Variants in TENM1 observed in about 807,000 individuals in gnomAD.
The protein encoded by TENM1 is teneurin transmembrane protein 1.
A neutral mutation model predicts 174.8 loss-of-function variants in TENM1; 35 were observed. That is an observed-to-expected ratio of 0.20 (90% CI 0.15 to 0.27). The LOEUF (loss-of-function observed/expected upper bound fraction) is 0.27. Among genes scored for constraint, TENM1 ranks in the 10% least tolerant of loss-of-function variants. TENM1 has a pLI of 1.00. For synonymous variants in TENM1, 781 were observed against 798.7 expected (o/e 0.98, Z 0.37); for missense variants, 1,633 against 2,130.1 (o/e 0.77, Z 4.59).
chrX:124,963,505 A>C, intron 1 of TENM1, 32 bp downstream of exon 4: 1 of 1,114,961 alleles, frequency 9.0e-7, no homozygotes, highest in Non-Finnish European at 1.2e-6. Flanking sequence ...ATGAGAAATA[A>C]TATTTGTTAT....
intron 18 of TENM1, among the ~76,000 whole-genome samples, chrX:124,506,552 A>G (rs144967593): frequency 1.2e-3 from 138 of 112,177 alleles, no homozygotes; most frequent in African/African-American, 4.0e-3. Context: ...TTCTCCCAAG[A>G]AAGCTCTATG....
intron 16 of TENM1, among the ~76,000 whole-genome samples, chrX:124,523,873 ATTT>A (rs745816520): frequency 1.1e-5 from 1 of 90,488 alleles, no homozygotes. Context: ...TTGTAAACCA[ATTT>A]TTTTTTTTTT....
chrX:125,016,968 A>G, the TENM1 span, among the ~76,000 whole-genome samples: 1 of 112,057 alleles, frequency 8.9e-6, no homozygotes, highest in East Asian at 2.8e-4. Context: ...TGGGGAAAGG[A>G]TTCCCTATTT....
At chrX:124,730,021 C>T (rs774200751) in intron 4 of TENM1, among the ~76,000 whole-genome samples, 1 of 110,673 alleles carries the variant, frequency 9.0e-6, no homozygotes, top group East Asian at 2.9e-4. Flanking sequence ...AGGGACCTGC[C>T]ACCACACCTG....
intron 27 of TENM1, among the ~76,000 whole-genome samples, chrX:124,402,651 C>G (rs1035604001): frequency 1.1e-4 from 12 of 111,568 alleles, no homozygotes; most frequent in Non-Finnish European, 2.3e-4. Context: ...TCCAAGGTCA[C>G]ATAATATAGG....
intron 1 of TENM1, among the ~76,000 whole-genome samples, chrX:124,947,046 T>A (rs1389548818): frequency 9.0e-6 from 1 of 111,698 alleles, no homozygotes; most frequent in Non-Finnish European, 1.9e-5. Context: ...CTCAGTTAAT[T>A]CAGCTAGTTA....
the TENM1 span, among the ~76,000 whole-genome samples, chrX:125,091,348 C>T: frequency 1.8e-5 from 2 of 111,388 alleles, no homozygotes; most frequent in African/African-American, 6.5e-5. Flanking sequence ...AGGAAGAAGA[C>T]ACAGCTGGAG....
chrX:124,762,815 G>C (rs779767964), intron 3 of TENM1, among the ~76,000 whole-genome samples: 4 of 111,505 alleles, frequency 3.6e-5, no homozygotes, highest in Non-Finnish European at 7.5e-5. Context: ...TGGTCAACCA[G>C]TGGTGACCAT....
chrX:124,783,305 C>G (rs1569442386), intron 3 of TENM1, among the ~76,000 whole-genome samples: 1 of 111,696 alleles, frequency 9.0e-6, no homozygotes, highest in African/African-American at 3.2e-5. Flanking sequence ...AGGAAGAATA[C>G]TCATCTCTCA....
At chrX:124,497,540 C>A in intron 19 of TENM1, among the ~76,000 whole-genome samples, 1 of 111,063 alleles carries the variant, frequency 9.0e-6, no homozygotes, top group Non-Finnish European at 1.9e-5. Context: ...CTCAATAAAG[C>A]ATTTGATGAC....
intron 3 of TENM1, among the ~76,000 whole-genome samples, chrX:124,813,726 G>A (rs1044318719): frequency 1.8e-5 from 2 of 110,966 alleles, no homozygotes; most frequent in Non-Finnish European, 3.8e-5. Context: ...TCTCTCTAAA[G>A]GTACTTTAGA....
At chrX:124,550,983 C>T (rs1294350709) in intron 14 of TENM1, among the ~76,000 whole-genome samples, 1 of 112,256 alleles carries the variant, frequency 8.9e-6, no homozygotes, top group Non-Finnish European at 1.9e-5. Flanking sequence ...TGGTCTCAAA[C>T]TCCTGGCCTC....
At chrX:124,509,478 C>T (rs963955366) in intron 18 of TENM1, among the ~76,000 whole-genome samples, 5 of 110,892 alleles carry the variant, frequency 4.5e-5, no homozygotes, top group Non-Finnish European at 9.4e-5. Context: ...GAAACAGACT[C>T]ACCTTGAAAA....
rs186161702 is a variant in TENM1, at chrX:124,847,526, G to A, written c.535+46770C>T. On this transcript the variant is annotated intron_variant, in intron 3 of 31. Transcript: ENST00000422452. ...GCCAAGATTACCACTTTACATGATC[G>A]ATCCATAAATTGTAGACATAATTAA... Among the ~76,000 whole-genome samples, 4 of 110,722 alleles carry A rather than the reference G, an allele frequency of 3.6e-5. No homozygotes were observed. In the East Asian group the frequency reaches 8.6e-4, roughly 24 times the overall value.
At chrX:124,879,362 A>G (rs1331264713) in intron 3 of TENM1, among the ~76,000 whole-genome samples, 1 of 112,418 alleles carries the variant, frequency 8.9e-6, no homozygotes, top group Non-Finnish European at 1.9e-5. Flanking sequence ...CATATGGGTG[A>G]GAACATATAT....
intron 11 of TENM1, among the ~76,000 whole-genome samples, chrX:124,633,869 A>C (rs1263493462): frequency 2.7e-5 from 3 of 111,434 alleles, no homozygotes; most frequent in African/African-American, 9.8e-5. Context: ...GAATTGTCTT[A>C]AGGATGCTTT....
chrX:124,456,029 T>C (rs771759061), intron 22 of TENM1, among the ~76,000 whole-genome samples: 31 of 111,740 alleles, frequency 2.8e-4, no homozygotes, highest in Non-Finnish European at 5.5e-4. Flanking sequence ...GGACTTTACA[T>C]AGTTTTCTTA....
chrX:124,713,271 A>G (rs751015761), intron 4 of TENM1, among the ~76,000 whole-genome samples: 1 of 104,588 alleles, frequency 9.6e-6, no homozygotes, highest in Non-Finnish European at 2.0e-5. Flanking sequence ...TGCAAAAAAA[A>G]TTTTTTTTTT....
intron 27 of TENM1, among the ~76,000 whole-genome samples, 186 bp from the exon 31 acceptor site, chrX:124,392,534 G>C (rs910908629): frequency 1.2e-4 from 13 of 111,686 alleles, no homozygotes; most frequent in Non-Finnish European, 2.4e-4. Flanking sequence ...CACTCTCAGA[G>C]AGCAGGGCTA....
Sources: allele counts gnomAD v4.1 joint callset (sites outside exome capture counted in the v4.1 genomes callset), GRCh38; gene constraint gnomAD v4.1.1; transcripts MANE v1.5; gene names NCBI Gene and HGNC (gene_info 2026-07-23, HGNC 2026-07-21).